The following RBM23 variants were observed in gnomAD, a reference collection of about 807,000 sequenced individuals.
The protein encoded by RBM23 is probable RNA-binding protein 23.
A neutral mutation model predicts 56.2 loss-of-function variants in RBM23; 53 were observed. That is an observed-to-expected ratio of 0.94 (90% confidence interval 0.76 to 1.19). The LOEUF (loss-of-function observed/expected upper bound fraction) is 1.19. Ranked by LOEUF, RBM23 falls within the 50% of genes most tolerant of loss-of-function variation. The probability of loss-of-function intolerance (pLI) is 0.00; values close to 1 mark genes in which losing one functional copy is unlikely to be tolerated. For synonymous variants in RBM23, 197 were observed against 198.5 expected (o/e 0.99, Z 0.06); for missense variants, 642 against 590.3 (o/e 1.09, Z -0.91).
chr14:22,904,225 A>G, intron 10 of RBM23, 36 bp downstream of exon 10: 2 of 1,614,002 alleles, frequency 1.2e-6, no homozygotes, highest in Non-Finnish European at 1.7e-6. Flanking sequence ...GACAAACCCA[A>G]AGTAAAATAA....
chr14:22,905,984 A>C, intron 5 of RBM23: 1 of 639,900 alleles, frequency 1.6e-6, no homozygotes, highest in Non-Finnish European at 2.7e-6. Context: ...TCCTGAGCCC[A>C]AGTGATCTTC....
In RBM23 at chr14:22,902,908, G is replaced by A. The variant is rs778241429; in HGVS notation, c.931-526C>T. 41 of 678,348 alleles carry A rather than the reference G, an allele frequency of 6.0e-5. No homozygotes were observed. In the African/African-American group the frequency reaches 7.6e-4, roughly 13 times the overall value. The allele number at this position is 678,348 out of a possible 1,614,324, so 42.0% of individuals were successfully genotyped here. On this transcript the variant is annotated intron_variant, in intron 10 of 13. Transcript: ENST00000359890. ...TCCTGCCTCAGCCTCCCGAGTAGCT[G>A]GAATTACAGGCACCCACCACCATGC...
intron 5 of RBM23, 142 bp from the exon 6 acceptor site, chr14:22,905,801 T>G (rs2041442572): frequency 1.5e-6 from 1 of 685,846 alleles, no homozygotes; most frequent in African/African-American, 1.8e-5. Flanking sequence ...CAGGCTGGAG[T>G]GCAGTGGCGC....
intron 1 of RBM23, among the ~76,000 whole-genome samples, chr14:22,913,556 G>A (rs2042960653): frequency 6.6e-6 from 1 of 151,932 alleles, no homozygotes; most frequent in South Asian, 2.1e-4. Flanking sequence ...GAGGTCAGGA[G>A]TTTGACACCA....
In RBM23 at chr14:22,899,774, G is replaced by A. The variant is rs1307419924; in HGVS notation, c.*1956C>T. 6.6e-6 allele frequency: 1 copy of A among 152,242 alleles called. No individual in the cohort carries two copies. The highest frequency in any genetic ancestry group is 1.5e-5 in the Non-Finnish European group (1 of 68,058). 9.4% of individuals were successfully genotyped at this position (152,242 alleles called of 1,614,324 possible). A position where few individuals can be genotyped will look rare whatever the true frequency, so the allele number is the denominator to read the frequency against. On this transcript the variant is annotated 3_prime_UTR_variant, in exon 14 of 14. Coordinates refer to ENST00000359890, the MANE Select transcript of RBM23 (RefSeq NM_001077351.2). ...CCACTGGCCTTTTATGACTCAAGCA[G>A]GCTTCAAGTATTTAAATGATTTTGT...
At chr14:22,908,625 C>T in intron 3 of RBM23, 1 of 378,606 alleles carries the variant, frequency 2.6e-6, no homozygotes, top group East Asian at 5.7e-5. Context: ...AACCCCTGGC[C>T]TCAAGTGATC....
intron 10 of RBM23, chr14:22,902,942 T>C (rs1289505117): frequency 7.5e-6 from 5 of 666,782 alleles, no homozygotes; most frequent in Admixed American, 6.3e-5. Context: ...GCCCAGCTAG[T>C]TTTTTTATTT....
intron 1 of RBM23, among the ~76,000 whole-genome samples, chr14:22,918,347 C>A (rs2043934357): frequency 6.6e-6 from 1 of 151,766 alleles, no homozygotes; most frequent in Non-Finnish European, 1.5e-5. Context: ...GAGCCGAGAT[C>A]GCGCCACTCC....
chr14:22,909,697 C>T, intron 2 of RBM23, 102 bp from the exon 3 acceptor site: 1 of 823,744 alleles, frequency 1.2e-6, no homozygotes, highest in South Asian at 1.5e-5. Flanking sequence ...AATCAAACCA[C>T]TTGATTATCT....
chr14:22,907,449 TTGAA>T (rs1236133161), intron 4 of RBM23, among the ~76,000 whole-genome samples: 2 of 152,208 alleles, frequency 1.3e-5, no homozygotes, highest in African/African-American at 4.8e-5. Context: ...AGAGAATAAT[TTGAA>T]TGTTTCCTAG....
Position 22,905,438 on chromosome 14 carries a change from AT to A in RBM23, c.470del (p.Asn157IlefsTer2), listed in dbSNP as rs2041366375. 6.2e-7 allele frequency: 1 copy of A among 1,614,084 alleles called. No individual in the cohort carries two copies. The highest frequency in any genetic ancestry group is 1.3e-5 in the African/African-American group (1 of 74,918). ...EKSPVREPVD[N>X]LSPEERDART... is the part of the protein sequence containing the mutation. ...GGGCATCACGCTCCTCAGGACTCAGATTATCAACTGGCTCCCTGAAGAGTGA... is the reference window on the plus strand; with the variant it reads ...GGGCATCACGCTCCTCAGGACTCAGATATCAACTGGCTCCCTGAAGAGTGA... On this transcript the variant is annotated frameshift_variant, in exon 7 of 14. Transcript: ENST00000359890. LOFTEE classifies it high-confidence loss of function.
intron 9 of RBM23, 81 bp downstream of exon 9, chr14:22,904,794 C>A (rs200022581): frequency 6.3e-7 from 1 of 1,580,172 alleles, no homozygotes. Flanking sequence ...CACGGCCAGG[C>A]ACAACAGAGA....
intron 1 of RBM23, chr14:22,916,921 T>C (rs1323939530): frequency 1.3e-5 from 2 of 152,000 alleles, no homozygotes; most frequent in African/African-American, 4.8e-5. Context: ...CAGGATGGAG[T>C]GCAATGGCGC....
Position 22,902,286 on chromosome 14 carries a change from G to A in RBM23, c.1027C>T (p.Leu343=), listed in dbSNP as rs754602355. The part of the protein sequence containing the change: ...PMRVGHVTER[L]DGGTDITFPD... ...AAAGTGATGTCTGTGCCACCATCCAGTCGCTCAGTCACATGGCCAACCCTC... is the reference window on the plus strand; with the variant it reads ...AAAGTGATGTCTGTGCCACCATCCAATCGCTCAGTCACATGGCCAACCCTC... Residue 343 remains leucine (L), a synonymous_variant, in exon 11 of 14, where the codon CTG becomes TTG. Transcript: ENST00000359890. 3.7e-6 allele frequency: 6 copies of A among 1,614,064 alleles called. No homozygotes were observed. The highest frequency in any genetic ancestry group is 1.7e-5 in the Admixed American group (1 of 59,988).
intron 1 of RBM23, among the ~76,000 whole-genome samples, chr14:22,916,081 T>C (rs970291395): frequency 2.6e-5 from 4 of 152,024 alleles, no homozygotes; most frequent in African/African-American, 9.7e-5. Context: ...CCACGCATGG[T>C]GGTGCGTGCC....
intron 5 of RBM23, 38 bp downstream of exon 5, chr14:22,906,157 T>C (rs1566552835): frequency 6.2e-7 from 1 of 1,608,682 alleles, no homozygotes; most frequent in East Asian, 2.2e-5. Context: ...TTATCCAGAT[T>C]ATTATACAAA....
At chr14:22,912,866 G>A (rs906251163) in intron 1 of RBM23, among the ~76,000 whole-genome samples, 59 of 151,792 alleles carry the variant, frequency 3.9e-4, no homozygotes, top group Non-Finnish European at 4.4e-4. Context: ...TGGACGTGGT[G>A]GCACGCGCCT....
chr14:22,912,954 T>C (rs552324451), intron 1 of RBM23, among the ~76,000 whole-genome samples: 20 of 122,144 alleles, frequency 1.6e-4, no homozygotes, highest in African/African-American at 6.3e-4. Flanking sequence ...TAGCCAAGAT[T>C]GTGCCACTGC....
chr14:22,905,091 C>G lies in RBM23; in HGVS notation c.726+3G>C, dbSNP rs2041296472. ...TCTTATGTCTGTTTCTCAGCCTGCT[C>G]ACCTGTGAAGCCTGTACAATGATAG... On this transcript the variant is annotated splice_donor_region_variant and intron_variant, in intron 8 of 13. Transcript: ENST00000359890. 1.2e-6 allele frequency: 2 copies of G among 1,614,074 alleles called. No homozygotes were observed. The highest frequency in any genetic ancestry group is 1.3e-5 in the African/African-American group (1 of 75,058).
Sources: gnomAD v4.1 joint callset for allele counts (sites outside exome capture counted in the v4.1 genomes callset) on GRCh38, gnomAD v4.1.1 for gene constraint, MANE v1.5 for transcripts, NCBI Gene and HGNC (gene_info 2026-07-23, HGNC 2026-07-21) for gene names.